Variants in DCC observed in about 807,000 individuals in gnomAD.
The protein encoded by DCC is netrin receptor DCC.
DCC carries 58 observed loss-of-function variants against 172.5 expected under a neutral mutation model. The observed-to-expected ratio is 0.34, with a 90% CI of 0.27 to 0.42. The LOEUF is 0.42. DCC is among the 10% of genes least tolerant of loss of function. The pLI is 1.00. For synonymous variants in DCC, 709 were observed against 644.5 expected (o/e 1.10, Z -1.52); for missense variants, 1,740 against 1,791.0 (o/e 0.97, Z 0.51).
At chr18:52,422,789 T>C (rs532066590) in intron 1 of DCC, among the ~76,000 whole-genome samples, 1 of 152,180 alleles carries the variant, frequency 6.6e-6, no homozygotes, top group South Asian at 2.1e-4. Flanking sequence ...TCCTATAAAA[T>C]GGAATATGTG....
intron 20 of DCC, among the ~76,000 whole-genome samples, chr18:53,413,766 T>C (rs1317536841): frequency 1.3e-5 from 2 of 152,188 alleles, no homozygotes; most frequent in African/African-American, 4.8e-5. Context: ...AAATATGAGA[T>C]GCTGATGAGG....
At chr18:53,002,485 G>C (rs1170650024) in intron 5 of DCC, among the ~76,000 whole-genome samples, 1 of 152,046 alleles carries the variant, frequency 6.6e-6, no homozygotes, top group Non-Finnish European at 1.5e-5. Context: ...CATAGGGAAA[G>C]TGACCCAGAA....
chr18:53,104,369 C>T (rs552369771), intron 7 of DCC, among the ~76,000 whole-genome samples: 1 of 152,060 alleles, frequency 6.6e-6, no homozygotes, highest in South Asian at 2.1e-4. Flanking sequence ...GTGAATAAGT[C>T]TCACAAGATC....
At chr18:53,448,464 C>T (rs1912771125) in intron 22 of DCC, among the ~76,000 whole-genome samples, 1 of 152,146 alleles carries the variant, frequency 6.6e-6, no homozygotes, top group Admixed American at 6.5e-5. Flanking sequence ...TAAACACCCC[C>T]ATGATTAAAT....
chr18:52,635,661 C>T (rs549025193), intron 1 of DCC, among the ~76,000 whole-genome samples: 1 of 152,222 alleles, frequency 6.6e-6, no homozygotes, highest in Non-Finnish European at 1.5e-5. Flanking sequence ...TATTTCATTC[C>T]ATTCAGAGCT....
chr18:52,900,637 A>ATG (rs1307021109), intron 2 of DCC, among the ~76,000 whole-genome samples: 1 of 152,226 alleles, frequency 6.6e-6, no homozygotes, highest in Non-Finnish European at 1.5e-5. Flanking sequence ...ACTTTTCCAT[A>ATG]TGTAAAACAA....
At chr18:53,192,420 G>A (rs2055379490) in intron 9 of DCC, among the ~76,000 whole-genome samples, 1 of 152,030 alleles carries the variant, frequency 6.6e-6, no homozygotes, top group African/African-American at 2.4e-5. Flanking sequence ...AAAAAGTACT[G>A]TAGCACAGTC....
At chr18:52,369,333 G>A (rs1209325598) in intron 1 of DCC, among the ~76,000 whole-genome samples, 2 of 151,698 alleles carry the variant, frequency 1.3e-5, no homozygotes, top group African/African-American at 2.4e-5. Context: ...TTGCAAATTG[G>A]TTATTTCTCC....
At position 52,433,670 on chromosome 18, in the gene DCC, T is replaced by C. The variant is rs140650599; in HGVS notation, c.91+92792T>C. 5.0e-3 allele frequency among the ~76,000 whole-genome samples: 763 copies of C among 152,344 alleles called. 7 individuals carry two copies. The highest frequency in any genetic ancestry group is 0.018 in the African/African-American group (732 of 41,580). On this transcript the variant is annotated intron_variant, in intron 1 of 28. Transcript: ENST00000442544. Reference sequence around the variant, plus strand: ...ACAAAGTTATAAAGATATTGTAGTATACATCAAGAGGTTATTGGTAATCTA... The same window carrying C: ...ACAAAGTTATAAAGATATTGTAGTACACATCAAGAGGTTATTGGTAATCTA...
At chr18:52,762,579 T>A (rs1239331592) in intron 2 of DCC, among the ~76,000 whole-genome samples, 1 of 152,096 alleles carries the variant, frequency 6.6e-6, no homozygotes, top group Non-Finnish European at 1.5e-5. Flanking sequence ...ATCCCAACAC[T>A]TTGGGAGGCT....
At chr18:53,111,971 A>G (rs866617778) in intron 7 of DCC, among the ~76,000 whole-genome samples, 7 of 151,592 alleles carry the variant, frequency 4.6e-5, no homozygotes, top group Admixed American at 6.6e-5. Flanking sequence ...AGAGAAGAAA[A>G]CACCCATTTC....
At chr18:53,432,312 C>G (rs1006913183) in intron 21 of DCC, among the ~76,000 whole-genome samples, 3 of 152,124 alleles carry the variant, frequency 2.0e-5, no homozygotes, top group African/African-American at 4.8e-5. Flanking sequence ...CCAACTCTCC[C>G]TGTCATGGCA....
chr18:52,798,060 C>G (rs1389706000), intron 2 of DCC, among the ~76,000 whole-genome samples: 1 of 152,162 alleles, frequency 6.6e-6, no homozygotes, highest in Admixed American at 6.5e-5. Context: ...AGGTTGCTTG[C>G]ACGAAGGTTG....
intron 9 of DCC, among the ~76,000 whole-genome samples, chr18:53,190,805 G>T (rs1197117116): frequency 6.6e-6 from 1 of 152,124 alleles, no homozygotes; most frequent in African/African-American, 2.4e-5. Context: ...AACTAGCCTA[G>T]CATGGTGGCG....
At chr18:53,451,469 AT>A (rs2045411733) in intron 23 of DCC, among the ~76,000 whole-genome samples, 2 of 152,280 alleles carry the variant, frequency 1.3e-5, no homozygotes, top group South Asian at 4.2e-4. Flanking sequence ...TCCTTTTAAA[AT>A]TCAGCCTGAT....
At chr18:52,574,810 C>T (rs2033373296) in intron 1 of DCC, among the ~76,000 whole-genome samples, 2 of 152,266 alleles carry the variant, frequency 1.3e-5, no homozygotes, top group South Asian at 4.1e-4. Context: ...TTGCCTCATG[C>T]ATCAACTAGT....
At chr18:52,697,697 CAT>C (rs2036037038) in intron 1 of DCC, among the ~76,000 whole-genome samples, 2 of 152,024 alleles carry the variant, frequency 1.3e-5, no homozygotes, top group Admixed American at 1.3e-4. Context: ...TATGTATAGA[CAT>C]AGATATAAGT....
intron 2 of DCC, among the ~76,000 whole-genome samples, chr18:52,761,700 T>C (rs927243587): frequency 2.0e-5 from 3 of 152,058 alleles, no homozygotes; most frequent in Non-Finnish European, 2.9e-5. Flanking sequence ...CCAGAGTTCT[T>C]TGGAAGTTTC....
intron 1 of DCC, among the ~76,000 whole-genome samples, chr18:52,688,951 T>C (rs11082937): frequency 0.11 from 17,191 of 152,150 alleles, 1,179 homozygotes; most frequent in East Asian, 0.29. Flanking sequence ...ATTAAGGCAT[T>C]GTGCATTTAT....
Sources: gnomAD v4.1 joint callset for allele counts (sites outside exome capture counted in the v4.1 genomes callset) on GRCh38, gnomAD v4.1.1 for gene constraint, MANE v1.5 for transcripts, NCBI Gene and HGNC (gene_info 2026-07-23, HGNC 2026-07-21) for gene names.